Variants in NIN observed in about 807,000 individuals in gnomAD.
NIN encodes glycogen synthase kinase 3 beta-interacting protein.
A neutral mutation model predicts 257.6 loss-of-function variants in NIN; 137 were observed. The ratio of observed to expected loss-of-function variants is 0.53; its 90% CI spans 0.46 to 0.61. The LOEUF is 0.61. NIN is among the 20% of genes least tolerant of loss of function. The pLI, the probability that NIN is intolerant of heterozygous loss-of-function variation, is 0.00. For missense variants in NIN, 2,439 were observed against 2,501.2 expected, an observed-to-expected ratio of 0.98 and a Z score of 0.53; for synonymous variants, 918 against 919.8, an observed-to-expected ratio of 1.00 and a Z score of 0.04.
Position 50,770,400 on chromosome 14 carries a change from G to C in NIN, c.1422C>G (p.Ala474=). The change falls in exon 12 of 31, where the codon GCC becomes GCG. Residue 474 remains alanine (A), a synonymous_variant. Transcript: ENST00000530997. ...TEENYIRDRL[A]LSLKENSRLE... ...ATAAGATGATTACCTTTAAAGAGAGGGCAAGGCGGTCCCGGATATAGTTCT... is the reference window on the plus strand; with the variant it reads ...ATAAGATGATTACCTTTAAAGAGAGCGCAAGGCGGTCCCGGATATAGTTCT... 1 of 1,614,128 alleles carries C rather than the reference G, an allele frequency of 6.2e-7. No homozygotes were observed. The highest frequency in any genetic ancestry group is 1.1e-5 in the South Asian group (1 of 91,076).
chr14:50,775,813 T>A (rs1463178882), intron 7 of NIN, among the ~76,000 whole-genome samples: 2 of 152,138 alleles, frequency 1.3e-5, no homozygotes, highest in African/African-American at 4.8e-5. Flanking sequence ...TGCACTGATT[T>A]ACAATTCAGG....
intron 27 of NIN, among the ~76,000 whole-genome samples, chr14:50,736,086 A>C (rs1307838908): frequency 6.6e-6 from 1 of 152,198 alleles, no homozygotes; most frequent in African/African-American, 2.4e-5. Flanking sequence ...TAAAATTGAG[A>C]GTACATAAAA....
chr14:50,822,589 G>A (rs1304543194), intron 2 of NIN, among the ~76,000 whole-genome samples: 4 of 152,216 alleles, frequency 2.6e-5, no homozygotes, highest in South Asian at 2.1e-4. Context: ...ATCGGTCAGC[G>A]TGGCCAAGCT....
chr14:50,741,481 T>A, intron 25 of NIN, 101 bp downstream of exon 25: 1 of 892,478 alleles, frequency 1.1e-6, no homozygotes, highest in Non-Finnish European at 1.7e-6. Flanking sequence ...TATGCATATT[T>A]ATATGTACAT....
intron 7 of NIN, among the ~76,000 whole-genome samples, chr14:50,776,653 T>C (rs1307559347): frequency 6.6e-6 from 1 of 152,230 alleles, no homozygotes; most frequent in Non-Finnish European, 1.5e-5. Context: ...ATGGCACCTC[T>C]ACAAATACAT....
At chr14:50,727,743 T>TA (rs1395468309) in intron 29 of NIN, 1 of 1,425,100 alleles carries the variant, frequency 7.0e-7, no homozygotes, top group Non-Finnish European at 9.5e-7. Flanking sequence ...GCTGCTCCGG[T>TA]AGCAAGGCCT....
chr14:50,818,132 G>T (rs1452560265), intron 3 of NIN, among the ~76,000 whole-genome samples: 6 of 151,710 alleles, frequency 4.0e-5, no homozygotes, highest in African/African-American at 1.2e-4. Flanking sequence ...GACCATCCTG[G>T]CTAACATGGT....
Position 50,831,133 on chromosome 14 carries a change from C to G in NIN, c.-203G>C, listed in dbSNP as rs996436856. On this transcript the variant is annotated 5_prime_UTR_variant, in exon 1 of 31. Coordinates refer to ENST00000530997, the MANE Select transcript of NIN (RefSeq NM_020921.4). ...GGCTCCCGGCTCGGCCGCGGCCACC[C>G]GGAGCTCTGGACGCCGGGGAGGAAG... is the stretch of plus-strand genomic sequence containing the variant. The G allele has an allele frequency of 8.7e-5, 13 of 150,152 alleles. No homozygotes were observed. Among genetic ancestry groups the G allele is most frequent in the Non-Finnish European group, 1.6e-4 (11 of 67,308 alleles). 9.3% of individuals were successfully genotyped at this position (150,152 alleles called of 1,614,324 possible). A position where few individuals can be genotyped will look rare whatever the true frequency, so the allele number is the denominator to read the frequency against.
chr14:50,762,568 T>TA, intron 15 of NIN, among the ~76,000 whole-genome samples: 1 of 152,288 alleles, frequency 6.6e-6, no homozygotes, highest in South Asian at 2.1e-4. Context: ...GGGCATAGGT[T>TA]AGGAACCAGG....
Position 50,723,610 on chromosome 14 carries a change from C to A in NIN, c.6255G>T (p.Leu2085Phe), listed in dbSNP as rs1271685627. Reference protein sequence around the residue: ...VKDLYVENAQLLKALEVTEQR... With the variant: ...VKDLYVENAQFLKALEVTEQR... Reference sequence around the variant, plus strand: ...GTTCAGTCACTTCCAGAGCTTTCAACAACTGGGCATTTTCAACATACAAGT... The same window carrying A: ...GTTCAGTCACTTCCAGAGCTTTCAAAAACTGGGCATTTTCAACATACAAGT... Residue 2085 changes from leucine (L) to phenylalanine (F), a missense_variant, in exon 31 of 31, where the codon TTG becomes TTT. Physicochemically the swap from Leu to Phe is conservative, Grantham distance 22. Around this residue, in one of 3 missense-constraint regions of NIN, gnomAD observed 2,043 missense variants for 2,050.2 expected, o/e 1.00. Coordinates refer to ENST00000530997, the MANE Select transcript of NIN (RefSeq NM_020921.4). 1 of 1,613,916 alleles carries A rather than the reference C, an allele frequency of 6.2e-7. No homozygotes were observed. The highest frequency in any genetic ancestry group is 8.5e-7 in the Non-Finnish European group (1 of 1,179,832).
chr14:50,774,848 C>T lies in NIN; in HGVS notation c.667-1753G>A, dbSNP rs565142220. On this transcript the variant is annotated intron_variant, in intron 7 of 30. Coordinates refer to ENST00000530997, the MANE Select transcript of NIN (RefSeq NM_020921.4). Reference sequence around the variant, plus strand: ...AATAGAAGAGTGTGGATTCAGAAGACGGGGCCGGGGCTAGGCAGAAAACAA... The same window carrying T: ...AATAGAAGAGTGTGGATTCAGAAGATGGGGCCGGGGCTAGGCAGAAAACAA... Among the ~76,000 whole-genome samples, 8 of 152,222 alleles carry T rather than the reference C, an allele frequency of 5.3e-5. No individual in the cohort carries two copies. In the South Asian group the frequency reaches 1.2e-3, roughly 24 times the overall value.
intron 22 of NIN, 74 bp from the exon 23 acceptor site, chr14:50,744,439 GGCATTTT>G (rs2041443077): frequency 3.3e-6 from 5 of 1,502,908 alleles, no homozygotes; most frequent in African/African-American, 2.8e-5. Context: ...TTCTAAATAG[GGCATTTT>G]CACAGCTGCT....
At chr14:50,759,350 TAACAAAA>T (rs1340378412) in intron 17 of NIN, among the ~76,000 whole-genome samples, 2 of 152,110 alleles carry the variant, frequency 1.3e-5, no homozygotes, top group African/African-American at 4.8e-5. Context: ...TTTACAAACA[TAACAAAA>T]TAAAAACAGT....
chr14:50,791,553 T>A (rs1432971139), intron 5 of NIN, among the ~76,000 whole-genome samples: 1 of 152,112 alleles, frequency 6.6e-6, no homozygotes, highest in Non-Finnish European at 1.5e-5. Context: ...TGTCATTTGT[T>A]TTTTTAAAAA....
chr14:50,723,852 A>C (rs2040319578), intron 30 of NIN, 180 bp from the exon 31 acceptor site: 1 of 583,394 alleles, frequency 1.7e-6, no homozygotes, highest in African/African-American at 1.9e-5. Flanking sequence ...CATTGGAACA[A>C]ATCTACTTTT....
At chr14:50,755,530 G>C (rs2041980712) in intron 18 of NIN, among the ~76,000 whole-genome samples, 2 of 150,416 alleles carry the variant, frequency 1.3e-5, no homozygotes, top group African/African-American at 4.9e-5. Flanking sequence ...ACAATGTCAA[G>C]TGGGCAGTGG....
In NIN at chr14:50,826,015, C is replaced by T. The variant is rs538324350; in HGVS notation, c.-21-3938G>A. Among the ~76,000 whole-genome samples the T allele has an allele frequency of 7.2e-5, 11 of 152,266 alleles. No homozygotes were observed. The South Asian group carries it at 2.1e-3, about 29-fold the overall frequency. On this transcript the variant is annotated intron_variant, in intron 2 of 30. Coordinates refer to ENST00000530997, the MANE Select transcript of NIN (RefSeq NM_020921.4). ...ATATAAAAATGATCATGAAGTGTCC[C>T]ATGTCTTCAATAATGGGCATTGCCC... is the stretch of plus-strand genomic sequence containing the variant.
intron 2 of NIN, among the ~76,000 whole-genome samples, chr14:50,828,102 C>CA (rs34448875): frequency 0.41 from 56,765 of 138,298 alleles, 12,193 homozygotes; most frequent in Non-Finnish European, 0.52. Flanking sequence ...ATGTTTGTTA[C>CA]AAAAAAAAAA....
At chr14:50,798,579 C>G (rs376607638) in intron 4 of NIN, among the ~76,000 whole-genome samples, 1 of 152,186 alleles carries the variant, frequency 6.6e-6, no homozygotes, top group African/African-American at 2.4e-5. Context: ...ATAGGAGGAT[C>G]AACCAGCAGA....
Sources: gnomAD v4.1 joint callset for allele counts (sites outside exome capture counted in the v4.1 genomes callset) on GRCh38, gnomAD v4.1.1 for gene constraint, gnomAD v4.1.1 regional missense constraint, MANE v1.5 for transcripts, NCBI Gene and HGNC (gene_info 2026-07-23, HGNC 2026-07-21) for gene names.